The following ASAH2 variants were observed in gnomAD, a reference collection of about 807,000 sequenced individuals.
ASAH2 encodes N-acylsphingosine amidohydrolase 2.
Under a neutral mutation model 82.9 loss-of-function variants are expected in ASAH2, and 58 were observed. That is an observed-to-expected ratio of 0.70 (90% CI 0.57 to 0.87). The LOEUF (loss-of-function observed/expected upper bound fraction) is 0.87, where lower values mean the gene tolerates loss of function less well. Among genes scored for constraint, ASAH2 ranks in the 40% least tolerant of loss-of-function variants. The pLI, the probability that ASAH2 is intolerant of heterozygous loss-of-function variation, is 0.00. For missense variants in ASAH2, 779 were observed against 834.0 expected (o/e 0.93, Z 0.81); for synonymous variants, 276 against 289.7 (o/e 0.95, Z 0.48).
At chr10:50,217,740 T>C (rs1336528023) in intron 8 of ASAH2, among the ~76,000 whole-genome samples, 3 of 152,154 alleles carry the variant, frequency 2.0e-5, no homozygotes, top group Non-Finnish European at 4.4e-5. Flanking sequence ...CAGAGCTAAA[T>C]GATCAGGCTG....
intron 16 of ASAH2, among the ~76,000 whole-genome samples, chr10:50,200,957 C>A (rs984930226): frequency 3.3e-5 from 5 of 151,910 alleles, no homozygotes; most frequent in African/African-American, 1.2e-4. Flanking sequence ...GTTCACTACG[C>A]CCCCCTATCC....
intron 7 of ASAH2, among the ~76,000 whole-genome samples, chr10:50,220,392 A>C (rs1381395764): frequency 6.6e-6 from 1 of 152,228 alleles, no homozygotes. Context: ...CGTCAGTGAT[A>C]GACTAGATAA....
chr10:50,234,383 T>C, intron 6 of ASAH2, 42 bp downstream of exon 6: 2 of 1,612,536 alleles, frequency 1.2e-6, no homozygotes, highest in Non-Finnish European at 1.7e-6. Context: ...TGCTGTTCCC[T>C]AAAGGGAATG....
chr10:50,210,813 T>G lies in ASAH2; in HGVS notation c.1414+10A>C. 1 of 1,603,794 alleles carries G rather than the reference T, an allele frequency of 6.2e-7. No homozygotes were observed. The highest frequency in any genetic ancestry group is 1.7e-5 in the Admixed American group (1 of 59,978). The stretch of plus-strand genomic sequence containing the variant: ...GCTGAAACCATAGATTTTACTGGAC[T>G]TCACCTTACCCTGTGTAAAATTGAG... On this transcript the variant is annotated intron_variant, in intron 12 of 20. Transcript: ENST00000682911.
intron 7 of ASAH2, among the ~76,000 whole-genome samples, chr10:50,225,467 G>A (rs1430785991): frequency 1.3e-5 from 2 of 152,252 alleles, no homozygotes; most frequent in African/African-American, 4.8e-5. Flanking sequence ...CATGGTAAGT[G>A]CAACAAGAAA....
Position 50,214,793 on chromosome 10 carries a change from T to C in ASAH2, c.1090A>G (p.Asn364Asp), listed in dbSNP as rs1202011987. Residue 364 changes from asparagine to aspartate, a missense_variant, in exon 9 of 21, where the codon AAC (asparagine) becomes GAC (aspartate). Around this residue, in one of 3 missense-constraint regions of ASAH2, gnomAD observed 759 missense variants for 755.2 expected, o/e 1.00. Transcript: ENST00000682911. ...GCGTTATCACAGGACTCTCCTGTGT[T>C]GATGCAACGTGGTCCAAGAATGTTG... is the stretch of plus-strand genomic sequence containing the variant. ...SPNILGPRCINTGESCDNANS... is the reference protein window; with the variant it reads ...SPNILGPRCIDTGESCDNANS... The C allele has an allele frequency of 6.2e-7, 1 of 1,613,790 alleles. No individual in the cohort carries two copies.
At chr10:50,225,242 C>T (rs1469124417) in intron 7 of ASAH2, among the ~76,000 whole-genome samples, 2 of 152,036 alleles carry the variant, frequency 1.3e-5, no homozygotes, top group Non-Finnish European at 2.9e-5. Context: ...ATGGCAAAAC[C>T]CCATCTCTAC....
intron 16 of ASAH2, among the ~76,000 whole-genome samples, chr10:50,201,103 T>C (rs966109961): frequency 1.3e-5 from 2 of 151,930 alleles, no homozygotes; most frequent in African/African-American, 4.8e-5. Context: ...CTGTGGATGG[T>C]TGGAGAAGAG....
rs574490205 is a variant in ASAH2, at chr10:50,188,904, A to G, written c.2153+595T>C. 7.2e-4 allele frequency among the ~76,000 whole-genome samples: 95 copies of G among 131,546 alleles called. 7 individuals carry two copies. Among genetic ancestry groups the G allele is most frequent in the African/African-American group, 2.8e-3 (94 of 34,056 alleles). 86.3% of individuals were successfully genotyped at this position (131,546 alleles called of 152,430 possible). On this transcript the variant is annotated intron_variant, in intron 20 of 20. Transcript: ENST00000682911. ...ACAGAAGTATTGTCTTATTTCAGAC[A>G]CATTATCAAATCTTCAAAATATCTA... is the stretch of plus-strand genomic sequence containing the variant.
chr10:50,235,965 G>A lies in ASAH2; in HGVS notation c.610C>T (p.Gln204Ter), dbSNP rs1379156063. 1 of 1,613,350 alleles carries A rather than the reference G, an allele frequency of 6.2e-7. No homozygotes were observed. Among genetic ancestry groups the A allele is most frequent in the Non-Finnish European group, 8.5e-7 (1 of 1,179,458 alleles). ...HTHSGPAGYF[Q>*]YTVFVIASEG... ...CTGGCAATTACAAACACGGTATACT[G>A]GAAATATCCTGCAGGACCTGAATGA... The change falls in exon 5 of 21, where the codon CAG becomes TAG. Residue 204 changes from glutamine (Q) to a stop codon, truncating the protein, a stop_gained. Coordinates refer to ENST00000682911, the MANE Select transcript of ASAH2 (RefSeq NM_019893.4). LOFTEE classifies it high-confidence loss of function.
chr10:50,201,592 C>T (rs1239918968), intron 16 of ASAH2, among the ~76,000 whole-genome samples: 1 of 152,094 alleles, frequency 6.6e-6, no homozygotes, highest in Non-Finnish European at 1.5e-5. Flanking sequence ...ACTTTCCCAT[C>T]TCACCTGGAC....
chr10:50,223,773 G>A (rs914860208), intron 7 of ASAH2, among the ~76,000 whole-genome samples: 17 of 152,106 alleles, frequency 1.1e-4, no homozygotes, highest in African/African-American at 3.1e-4. Context: ...GACTAGCATC[G>A]TTACAAGAGG....
chr10:50,222,776 T>A (rs1463476423), intron 7 of ASAH2, among the ~76,000 whole-genome samples: 1 of 152,210 alleles, frequency 6.6e-6, no homozygotes, highest in Admixed American at 6.5e-5. Context: ...CAAAGTACTA[T>A]AGTTATGGAT....
chr10:50,210,115 A>G (rs1845410741), intron 12 of ASAH2, among the ~76,000 whole-genome samples: 1 of 152,192 alleles, frequency 6.6e-6, no homozygotes, highest in African/African-American at 2.4e-5. Context: ...GATTCATAAT[A>G]ACCAAAACAT....
At position 50,220,040 on chromosome 10, in the gene ASAH2, C is replaced by T. The variant is rs1056598576; in HGVS notation, c.894-1410G>A. 6.6e-3 allele frequency among the ~76,000 whole-genome samples: 1,012 copies of T among 152,220 alleles called. 13 individuals are homozygous for T. The highest frequency in any genetic ancestry group is 0.023 in the African/African-American group (960 of 41,544). On this transcript the variant is annotated intron_variant, in intron 7 of 20. Transcript: ENST00000682911. ...AAGTAAATGGCATGGAAACAAAGGA[C>T]GGGAACTGCTATACATTAAGAGACT...
intron 7 of ASAH2, among the ~76,000 whole-genome samples, chr10:50,229,634 T>C (rs1845977218): frequency 6.6e-6 from 1 of 152,180 alleles, no homozygotes; most frequent in African/African-American, 2.4e-5. Flanking sequence ...CTAATCTCTA[T>C]TTCTTACTTT....
intron 11 of ASAH2, 37 bp downstream of exon 11, chr10:50,210,993 C>CAGTGTGT: frequency 6.2e-7 from 1 of 1,600,550 alleles, no homozygotes; most frequent in Non-Finnish European, 8.6e-7. Flanking sequence ...AAAACTTCAC[C>CAGTGTGT]CTTGGGGCAT....
Position 50,243,260 on chromosome 10 carries a change from T to C in ASAH2, c.452A>G (p.Asn151Ser). 6.2e-7 allele frequency: 1 copy of C among 1,614,126 alleles called. No individual in the cohort carries two copies. The highest frequency in any genetic ancestry group is 1.1e-5 in the South Asian group (1 of 91,066). The change falls in exon 4 of 21, where the codon AAT becomes AGT. Residue 151 changes from asparagine (N) to serine (S), a missense_variant. Asn to Ser is a conservative substitution (Grantham distance 46). Coordinates refer to ENST00000682911, the MANE Select transcript of ASAH2 (RefSeq NM_019893.4). Reference sequence around the variant, plus strand: ...GTCGATGCTGACAAACACTGTTCGATTGGACCCATCAGGTTCTGCCATGAT... The same window carrying C: ...GTCGATGCTGACAAACACTGTTCGACTGGACCCATCAGGTTCTGCCATGAT... ...AFIMAEPDGS[N>S]RTVFVSIDIG...
intron 3 of ASAH2, among the ~76,000 whole-genome samples, chr10:50,244,095 G>T (rs1035657327): frequency 1.8e-4 from 28 of 152,194 alleles, no homozygotes; most frequent in African/African-American, 5.3e-4. Flanking sequence ...CTGCAAAGAA[G>T]CAGGAGCTGG....
Sources: allele counts gnomAD v4.1 joint callset (sites outside exome capture counted in the v4.1 genomes callset), GRCh38; gene constraint gnomAD v4.1.1; regional missense constraint gnomAD v4.1.1; transcripts MANE v1.5; gene names NCBI Gene and HGNC (gene_info 2026-07-23, HGNC 2026-07-21).